CCDC171: variants seen among roughly 807,000 people sequenced by gnomAD.
The protein encoded by CCDC171 is coiled-coil domain containing 171, also known as coiled-coil domain-containing protein 171.
CCDC171 carries 177 observed loss-of-function variants against 168.2 expected under a neutral mutation model. That is an observed-to-expected ratio of 1.05 (90% CI 0.93 to 1.19). The LOEUF is 1.19. Ranked by LOEUF, CCDC171 falls within the 50% of genes most tolerant of loss-of-function variation. The probability of loss-of-function intolerance (pLI) is 0.00; values close to 1 mark genes in which losing one functional copy is unlikely to be tolerated. For missense variants in CCDC171, 1,991 were observed against 1,539.0 expected, an observed-to-expected ratio of 1.29 and a Z score of -4.91; for synonymous variants, 687 against 540.8, an observed-to-expected ratio of 1.27 and a Z score of -3.75.
intron 21 of CCDC171, among the ~76,000 whole-genome samples, chr9:15,841,039 A>G (rs1200850603): frequency 1.3e-5 from 2 of 152,154 alleles, no homozygotes; most frequent in East Asian, 1.9e-4. Context: ...AAAGGCATAT[A>G]TGAGAATATG....
chr9:15,887,840 A>G (rs1819639288), intron 24 of CCDC171: 1 of 152,082 alleles, frequency 6.6e-6, no homozygotes, highest in Non-Finnish European at 1.5e-5. Flanking sequence ...TCAATTTTAG[A>G]AAACAGGAAT....
intron 21 of CCDC171, among the ~76,000 whole-genome samples, chr9:15,808,992 G>A (rs777264181): frequency 2.0e-5 from 3 of 152,150 alleles, no homozygotes; most frequent in African/African-American, 7.2e-5. Flanking sequence ...CGGCAAGGCA[G>A]CTCTAGGGAG....
chr9:15,917,223 T>C (rs1205040923), intron 24 of CCDC171, among the ~76,000 whole-genome samples: 1 of 151,942 alleles, frequency 6.6e-6, no homozygotes, highest in African/African-American at 2.4e-5. Context: ...GTGGCTTCTT[T>C]GAATAATTGC....
At position 15,983,815 on chromosome 9, in the gene CCDC171, A is replaced by AGTGTGTGTGTGTGTGTGTGTGT. The variant is rs563329483; in HGVS notation, n.369-36773_369-36772insTGTGTGTGTGTGTGTGTGTGTG. On this transcript the variant is annotated intron_variant and non_coding_transcript_variant, in intron 3 of 9. Coordinates refer to the CCDC171 transcript ENST00000486641. The stretch of plus-strand genomic sequence containing the variant: ...GTAGGGAGGCAAGAGCTAAATAAAG[A>AGTGTGTGTGTGTGTGTGTGTGT]GAGTGTGTGTGTGTGTGTGTGTGTG... Among the ~76,000 whole-genome samples the AGTGTGTGTGTGTGTGTGTGTGT allele has an allele frequency of 6.9e-4, 86 of 124,562 alleles. 1 individual carries two copies. Among genetic ancestry groups the AGTGTGTGTGTGTGTGTGTGTGT allele is most frequent in the African/African-American group, 1.7e-4 (6 of 34,586 alleles). The allele number at this position is 124,562 out of a possible 152,430, so 81.7% of individuals were successfully genotyped here.
chr9:15,833,633 C>T (rs1056725233), intron 21 of CCDC171, among the ~76,000 whole-genome samples: 1 of 152,088 alleles, frequency 6.6e-6, no homozygotes, highest in Non-Finnish European at 1.5e-5. Context: ...TTATTAACTA[C>T]AGTGAGGATT....
intron 2 of CCDC171, among the ~76,000 whole-genome samples, chr9:15,564,352 AGTCTGTGT>A (rs1286694725): frequency 1.3e-5 from 2 of 152,226 alleles, no homozygotes; most frequent in African/African-American, 4.8e-5. Flanking sequence ...GGACCACAAA[AGTCTGTGT>A]GTCTGAACTT....
At chr9:15,645,869 A>G (rs2046993180) in intron 7 of CCDC171, among the ~76,000 whole-genome samples, 1 of 152,238 alleles carries the variant, frequency 6.6e-6, no homozygotes, top group Non-Finnish European at 1.5e-5. Flanking sequence ...GAGGCAGGCC[A>G]ACATTCAAAT....
chr9:15,953,674 G>T (rs988101775), intron 25 of CCDC171, among the ~76,000 whole-genome samples: 1 of 152,132 alleles, frequency 6.6e-6, no homozygotes, highest in South Asian at 2.1e-4. Flanking sequence ...TTAGTAACAG[G>T]ATAATGCTGG....
chr9:15,647,888 C>G (rs1420393102), intron 7 of CCDC171, among the ~76,000 whole-genome samples: 1 of 152,180 alleles, frequency 6.6e-6, no homozygotes, highest in East Asian at 1.9e-4. Flanking sequence ...TCCTCCCTAA[C>G]TCATTTTATG....
intron 18 of CCDC171, among the ~76,000 whole-genome samples, chr9:15,774,376 G>C (rs1015648790): frequency 5.3e-5 from 8 of 150,738 alleles, no homozygotes; most frequent in African/African-American, 1.9e-4. Context: ...CACTAAGATC[G>C]GGAAATGTAA....
intron 4 of CCDC171, chr9:15,587,550 C>G: frequency 9.1e-6 from 4 of 440,656 alleles, no homozygotes; most frequent in Admixed American, 4.9e-5. Flanking sequence ...ATGTCTTTAT[C>G]CAAAAAAACA....
intron 1 of CCDC171, among the ~76,000 whole-genome samples, chr9:16,049,129 G>C (rs546849526): frequency 1.3e-5 from 2 of 152,250 alleles, no homozygotes; most frequent in African/African-American, 2.4e-5. Flanking sequence ...CCTGAAAGCC[G>C]AATTCTAGGG....
intron 10 of CCDC171, among the ~76,000 whole-genome samples, chr9:15,690,807 T>A (rs1283898954): frequency 6.6e-6 from 1 of 152,036 alleles, no homozygotes; most frequent in Non-Finnish European, 1.5e-5. Context: ...AAGGAAGAAA[T>A]GAATGATATA....
chr9:15,642,382 T>C, intron 7 of CCDC171, among the ~76,000 whole-genome samples: 1 of 142,560 alleles, frequency 7.0e-6, no homozygotes, highest in African/African-American at 2.7e-5. Flanking sequence ...TATATATATA[T>C]ATGCATTTTA....
At chr9:15,936,460 A>T (rs545827358) in intron 25 of CCDC171, among the ~76,000 whole-genome samples, 107 of 152,026 alleles carry the variant, frequency 7.0e-4, no homozygotes, top group South Asian at 5.2e-3. Flanking sequence ...TCATCTGTTG[A>T]TCTTGGCAGA....
At chr9:16,053,255 G>C (rs79065062) in intron 1 of CCDC171, among the ~76,000 whole-genome samples, 1 of 152,254 alleles carries the variant, frequency 6.6e-6, no homozygotes, top group Non-Finnish European at 1.5e-5. Context: ...CCATCAGCTT[G>C]AGCGTGGACC....
chr9:16,108,386 T>A, the CCDC171 span, among the ~76,000 whole-genome samples: 1 of 152,230 alleles, frequency 6.6e-6, no homozygotes, highest in Non-Finnish European at 1.5e-5. Context: ...GGCTTGTGAA[T>A]TTTATTTCTT....
chr9:15,794,017 G>C (rs2058420982), intron 21 of CCDC171, among the ~76,000 whole-genome samples: 2 of 27,256 alleles, frequency 7.3e-5, no homozygotes, highest in Admixed American at 4.9e-4. Flanking sequence ...AGGATACAGT[G>C]TTGGGTGGAG....
In CCDC171 at chr9:15,721,767, A is replaced by C; in HGVS notation, c.1319-2A>C. 6.6e-7 allele frequency: 1 copy of C among 1,523,360 alleles called. No homozygotes were observed. The highest frequency in any genetic ancestry group is 8.8e-7 in the Non-Finnish European group (1 of 1,131,678). 94.4% of individuals were successfully genotyped at this position (1,523,360 alleles called of 1,614,324 possible). On this transcript the variant is annotated splice_acceptor_variant, in intron 11 of 25. Transcript: ENST00000380701. LOFTEE classifies it high-confidence loss of function. Reference sequence around the variant, plus strand: ...ATATTTTCATCCTATATTTTTCTCTAGGCATCCACAAGGACAAAGATAAAC... The same window carrying C: ...ATATTTTCATCCTATATTTTTCTCTCGGCATCCACAAGGACAAAGATAAAC...
Sources: gnomAD v4.1 joint callset for allele counts (sites outside exome capture counted in the v4.1 genomes callset) on GRCh38, gnomAD v4.1.1 for gene constraint, MANE v1.5 for transcripts, NCBI Gene and HGNC (gene_info 2026-07-23, HGNC 2026-07-21) for gene names.